The following PCDHA5 variants were observed in gnomAD, a reference collection of about 807,000 sequenced individuals.
The protein encoded by PCDHA5 is protocadherin alpha-5.
A neutral mutation model predicts 61.6 loss-of-function variants in PCDHA5; 43 were observed. That is an observed-to-expected ratio of 0.70 (90% CI 0.55 to 0.90). The LOEUF (loss-of-function observed/expected upper bound fraction) is 0.90, where lower values mean the gene tolerates loss of function less well. PCDHA5 is among the 40% of genes least tolerant of loss of function. PCDHA5 has a pLI of 0.00. For synonymous variants in PCDHA5, 627 were observed against 543.9 expected (o/e 1.15, Z -2.13); for missense variants, 1,298 against 1,222.7 (o/e 1.06, Z -0.92).
Position 140,887,790 on chromosome 5 carries a change from T to C in PCDHA5, c.2352+63663T>C, listed in dbSNP as rs564215639. On this transcript the variant is annotated intron_variant, in intron 1 of 3. Coordinates refer to ENST00000529859, the MANE Select transcript of PCDHA5 (RefSeq NM_018908.3). ...ACAATGACACAGGTCATTGAAGCGT[T>C]CTTTATTTTTGTCCATTTCTTTCTC... Among the ~76,000 whole-genome samples, 4 of 152,288 alleles carry C rather than the reference T, an allele frequency of 2.6e-5. No individual in the cohort carries two copies. The East Asian group carries it at 7.7e-4, about 29-fold the overall frequency.
Position 140,823,543 on chromosome 5 carries a change from G to A in PCDHA5, c.1768G>A (p.Val590Met), listed in dbSNP as rs2150126800. 6.2e-7 allele frequency: 1 copy of A among 1,613,868 alleles called. No homozygotes were observed. The highest frequency in any genetic ancestry group is 1.7e-5 in the Admixed American group (1 of 60,018). The part of the protein sequence containing the change: ...VPRSVGAGHV[V>M]AKVRAVDPDS... Reference sequence around the variant, plus strand: ...GAGGTCAGTGGGTGCGGGCCACGTGGTGGCGAAGGTGCGCGCAGTGGACCC... The same window carrying A: ...GAGGTCAGTGGGTGCGGGCCACGTGATGGCGAAGGTGCGCGCAGTGGACCC... Residue 590 changes from valine to methionine, a missense_variant, in exon 1 of 4, where the codon GTG becomes ATG. Transcript: ENST00000529859.
rs2150122177 is a variant in PCDHA5, at chr5:140,823,092, C to A, written c.1317C>A (p.Ser439Arg). ...GGSPSLWATA[S>R]VSVEVADVND... ...CGCCTTCGCTGTGGGCCACCGCCAG[C>A]GTGTCTGTGGAAGTGGCCGACGTGA... The change falls in exon 1 of 4, where the codon AGC (serine) becomes AGA (arginine). Residue 439 changes from serine to arginine, a missense_variant. Coordinates refer to ENST00000529859, the MANE Select transcript of PCDHA5 (RefSeq NM_018908.3). 4.3e-6 allele frequency: 7 copies of A among 1,613,906 alleles called. No individual in the cohort carries two copies. The African/African-American group carries it at 8.0e-5, about 18-fold the overall frequency.
At chr5:140,993,538 A>T (rs1175611433) in intron 3 of PCDHA5, among the ~76,000 whole-genome samples, 1 of 151,668 alleles carries the variant, frequency 6.6e-6, no homozygotes, top group Non-Finnish European at 1.5e-5. Context: ...AGAGAGAGAG[A>T]TAGAGAAGTG....
intron 1 of PCDHA5, chr5:140,863,475 C>T: frequency 2.1e-6 from 1 of 481,584 alleles, no homozygotes; most frequent in South Asian, 1.6e-5. Flanking sequence ...TGGAGAGTCG[C>T]CTCCCAAGGT....
intron 1 of PCDHA5, chr5:140,877,509 G>A (rs781824762): frequency 5.6e-6 from 9 of 1,613,700 alleles, no homozygotes; most frequent in Non-Finnish European, 7.6e-6. Context: ...CAAAGACGTC[G>A]TCGCGGGCCT....
chr5:140,926,919 A>G, intron 1 of PCDHA5: 9 of 1,566,668 alleles, frequency 5.7e-6, no homozygotes, highest in Non-Finnish European at 7.8e-6. Flanking sequence ...TGGCAGTTTT[A>G]TGTTTGTGGG....
chr5:140,985,499 C>G (rs1307302690), intron 3 of PCDHA5, among the ~76,000 whole-genome samples: 1 of 152,170 alleles, frequency 6.6e-6, no homozygotes, highest in African/African-American at 2.4e-5. Flanking sequence ...TAGAGCCTGC[C>G]TTTCATTGAT....
chr5:140,877,835 G>A, intron 1 of PCDHA5: 11 of 1,586,326 alleles, frequency 6.9e-6, no homozygotes, highest in Non-Finnish European at 9.4e-6. Context: ...AATCCTCCCA[G>A]TGAAGTAAGT....
intron 1 of PCDHA5, chr5:140,864,893 T>C (rs1554159192): frequency 1.3e-5 from 2 of 152,194 alleles, no homozygotes; most frequent in South Asian, 2.1e-4. Flanking sequence ...TTAAGCTGCA[T>C]GGTCTTCAGA....
At chr5:140,995,317 C>T (rs1554254587) in intron 3 of PCDHA5, among the ~76,000 whole-genome samples, 1 of 152,118 alleles carries the variant, frequency 6.6e-6, no homozygotes, top group Non-Finnish European at 1.5e-5. Flanking sequence ...TCTAAGTGAA[C>T]TAACAGGTGA....
At chr5:140,928,656 T>C in intron 1 of PCDHA5, 1 of 1,614,232 alleles carries the variant, frequency 6.2e-7, no homozygotes, top group Middle Eastern at 1.6e-4. Flanking sequence ...CAGAGGATGC[T>C]GACAGTGGTT....
At chr5:140,877,578 C>A (rs782777600) in intron 1 of PCDHA5, 6 of 1,613,700 alleles carry the variant, frequency 3.7e-6, no homozygotes, top group East Asian at 2.2e-5. Flanking sequence ...ACCTCATCAT[C>A]GCCATCTGTG....
chr5:140,941,214 C>CTTTCTTTCTTTCTGTCTTT, intron 1 of PCDHA5, among the ~76,000 whole-genome samples: 1 of 122,492 alleles, frequency 8.2e-6, no homozygotes, highest in African/African-American at 3.1e-5. Flanking sequence ...TTTCTTTCTT[C>CTTTCTTTCTTTCTGTCTTT]CTTTCTTTCT....
rs1013599044 is a variant in PCDHA5, at chr5:140,900,058, C to T, written c.2352+75931C>T. ...TTCCTGGGCTCAAGTGATCCTTTAACCTCAGCCTCCAAAAGTGCTGCAGTT... is the reference window on the plus strand; with the variant it reads ...TTCCTGGGCTCAAGTGATCCTTTAATCTCAGCCTCCAAAAGTGCTGCAGTT... On this transcript the variant is annotated intron_variant, in intron 1 of 3. Coordinates refer to ENST00000529859, the MANE Select transcript of PCDHA5 (RefSeq NM_018908.3). Among the ~76,000 whole-genome samples the T allele has an allele frequency of 2.0e-5, 3 of 152,160 alleles. 1 individual carries two copies. Among genetic ancestry groups the T allele is most frequent in the Non-Finnish European group, 1.5e-5 (1 of 68,028 alleles).
chr5:140,866,472 CT>C (rs2049389020), intron 1 of PCDHA5: 2 of 152,112 alleles, frequency 1.3e-5, no homozygotes, highest in Non-Finnish European at 2.9e-5. Flanking sequence ...CTCATAACAA[CT>C]GACAAATGAT....
chr5:140,835,865 G>T, intron 1 of PCDHA5: 1 of 1,612,146 alleles, frequency 6.2e-7, no homozygotes. Flanking sequence ...CCTACTCGCT[G>T]GTGGAGCTGC....
chr5:141,006,946 G>A (rs1333269040), intron 3 of PCDHA5, among the ~76,000 whole-genome samples: 1 of 152,120 alleles, frequency 6.6e-6, no homozygotes, highest in African/African-American at 2.4e-5. Flanking sequence ...TACCAGATAG[G>A]CAGTTATACA....
chr5:140,973,331 TGTAAAGTGACATAGTA>T (rs782725271), intron 1 of PCDHA5, among the ~76,000 whole-genome samples: 2 of 152,218 alleles, frequency 1.3e-5, no homozygotes, highest in Non-Finnish European at 2.9e-5. Context: ...TTACACTCGT[TGTAAAGTGACATAGTA>T]GTGAATTTAT....
At chr5:140,856,963 T>C (rs1249230816) in intron 1 of PCDHA5, 1 of 1,590,702 alleles carries the variant, frequency 6.3e-7, no homozygotes, top group African/African-American at 1.3e-5. Context: ...AAGTAAATGA[T>C]GCTATTGACT....
Sources: gnomAD v4.1 joint callset for allele counts (sites outside exome capture counted in the v4.1 genomes callset) on GRCh38, gnomAD v4.1.1 for gene constraint, MANE v1.5 for transcripts, NCBI Gene and HGNC (gene_info 2026-07-23, HGNC 2026-07-21) for gene names.